KLHL5: variants seen among roughly 807,000 people sequenced by gnomAD.
The protein encoded by KLHL5 is kelch-like protein 5.
Under a neutral mutation model 77.7 loss-of-function variants are expected in KLHL5, and 48 were observed. That is an observed-to-expected ratio of 0.62 (90% CI 0.49 to 0.79). The LOEUF (loss-of-function observed/expected upper bound fraction) is 0.79, where lower values mean the gene tolerates loss of function less well. Ranked by LOEUF, KLHL5 falls within the 30% of genes least tolerant of loss-of-function variation. The pLI is 0.00. For missense variants in KLHL5, 723 were observed against 859.7 expected (o/e 0.84, Z 1.99); for synonymous variants, 260 against 297.0 (o/e 0.88, Z 1.28).
intron 6 of KLHL5, among the ~76,000 whole-genome samples, chr4:39,099,623 C>G (rs1721369811): frequency 6.6e-6 from 1 of 152,158 alleles, no homozygotes; most frequent in Non-Finnish European, 1.5e-5. Flanking sequence ...TGCTCTGCCC[C>G]CGGATATTGA....
At chr4:39,073,736 C>G (rs1389354456) in intron 1 of KLHL5, among the ~76,000 whole-genome samples, 3 of 152,036 alleles carry the variant, frequency 2.0e-5, no homozygotes, top group Non-Finnish European at 4.4e-5. Context: ...CCTCTGCCTC[C>G]TTGGTTCAAA....
At chr4:39,065,971 G>A (rs550745001) in intron 1 of KLHL5, among the ~76,000 whole-genome samples, 11 of 152,234 alleles carry the variant, frequency 7.2e-5, no homozygotes, top group South Asian at 4.1e-4. Context: ...AAGGGACAGC[G>A]TATGTTGGTC....
At position 39,081,990 on chromosome 4, in the gene KLHL5, T is replaced by G; in HGVS notation, c.731T>G (p.Ile244Ser). ...TGRLELKEDN[I>S]ECLLSTACLL... ...CGCCTTGAATTAAAAGAAGATAATA[T>G]TGAGTGCCTGTTATCTACAGCTTGC... The change falls in exon 4 of 11, where the codon ATT (isoleucine) becomes AGT (serine). Residue 244 changes from isoleucine to serine, a missense_variant. By Grantham distance (142) the Ile-to-Ser change is moderately radical. This residue lies in a region of KLHL5 where 288 missense variants were observed against 400.3 expected (regional missense o/e 0.72). Transcript: ENST00000504108. This position sits in a 1 kb window ranked among gnomAD's most constrained non-coding sequence, Gnocchi z 4.3. 1 of 1,604,522 alleles carries G rather than the reference T, an allele frequency of 6.2e-7. No individual in the cohort carries two copies. Among genetic ancestry groups the G allele is most frequent in the East Asian group, 2.2e-5 (1 of 44,812 alleles).
intron 5 of KLHL5, among the ~76,000 whole-genome samples, chr4:39,092,707 C>A (rs1441922245): frequency 6.6e-6 from 1 of 152,112 alleles, no homozygotes; most frequent in African/African-American, 2.4e-5. Flanking sequence ...CAAATACCAC[C>A]AACTTTTTTA....
At position 39,125,065 on chromosome 4, in the gene KLHL5, C is replaced by G. The variant is rs1723453801; in HGVS notation, c.*3999C>G. ...AAATGGCCGACAAGCACATGGAAAG[C>G]ACTCAACCTCATCAGTCATTATGCA... On this transcript the variant is annotated 3_prime_UTR_variant, in exon 11 of 11. Coordinates refer to ENST00000504108, the MANE Select transcript of KLHL5 (RefSeq NM_015990.5). Among the ~76,000 whole-genome samples, 1 of 152,056 alleles carries G rather than the reference C, an allele frequency of 6.6e-6. No homozygotes were observed. Among genetic ancestry groups the G allele is most frequent in the South Asian group, 2.1e-4 (1 of 4,824 alleles).
the KLHL5 span, among the ~76,000 whole-genome samples, chr4:39,138,059 G>C: frequency 6.6e-6 from 1 of 152,060 alleles, no homozygotes; most frequent in Non-Finnish European, 1.5e-5. Context: ...AAGAATAACA[G>C]ATGCTGGCAA....
chr4:39,095,774 A>G (rs981144268), intron 5 of KLHL5, among the ~76,000 whole-genome samples: 2 of 151,886 alleles, frequency 1.3e-5, no homozygotes, highest in Admixed American at 1.3e-4. Flanking sequence ...GACCTGGAGG[A>G]ATTTTCTTGA....
chr4:39,090,521 T>C (rs899094896), intron 5 of KLHL5, among the ~76,000 whole-genome samples: 5 of 151,592 alleles, frequency 3.3e-5, no homozygotes, highest in African/African-American at 1.2e-4. Context: ...CAATCTCATC[T>C]CACTGCAACC....
At position 39,115,249 on chromosome 4, in the gene KLHL5, A is replaced by G; in HGVS notation, c.1992A>G (p.Leu664=). Residue 664 remains leucine, a synonymous_variant, in exon 10 of 11, where the codon TTA becomes TTG. Transcript: ENST00000504108. ...GGGTCTGTTTACTTGGTGATAAGTT[A>G]TATGCTGTTGGGGGGTATGATGGAC... is the stretch of plus-strand genomic sequence containing the variant. ...AVGVCLLGDK[L]YAVGGYDGQA... is the part of the protein sequence containing the mutation. 6.2e-7 allele frequency: 1 copy of G among 1,614,050 alleles called. No homozygotes were observed. Among genetic ancestry groups the G allele is most frequent in the Non-Finnish European group, 8.5e-7 (1 of 1,179,980 alleles).
chr4:39,045,421 C>G (rs1353640431), intron 1 of KLHL5, among the ~76,000 whole-genome samples: 1 of 151,898 alleles, frequency 6.6e-6, no homozygotes, highest in African/African-American at 2.4e-5. Flanking sequence ...GAGGAGCGGA[C>G]TGCGGTGCAC....
intron 6 of KLHL5, among the ~76,000 whole-genome samples, chr4:39,099,012 C>T (rs1285895078): frequency 6.6e-6 from 1 of 152,016 alleles, no homozygotes; most frequent in African/African-American, 2.4e-5. Context: ...AAAAATAGGC[C>T]AGGATTATGC....
chr4:39,139,159 G>A, the KLHL5 span, among the ~76,000 whole-genome samples: 4 of 151,962 alleles, frequency 2.6e-5, no homozygotes, highest in Admixed American at 2.6e-4. Context: ...GCAGACGCCT[G>A]TAATCCCAGC....
At chr4:39,075,328 T>C (rs1267908102) in intron 1 of KLHL5, among the ~76,000 whole-genome samples, 1 of 87,312 alleles carries the variant, frequency 1.1e-5, no homozygotes, top group African/African-American at 4.5e-5. Context: ...CGAAATTCCG[T>C]CTCAAACAAA....
At chr4:39,101,994 GC>G (rs1721618985) in intron 6 of KLHL5, among the ~76,000 whole-genome samples, 1 of 140,486 alleles carries the variant, frequency 7.1e-6, no homozygotes, top group Non-Finnish European at 1.5e-5. Flanking sequence ...ATATATATAT[GC>G]ATGCAGAGGT....
At chr4:39,119,476 C>T (rs572342713) in intron 10 of KLHL5, among the ~76,000 whole-genome samples, 1 of 152,246 alleles carries the variant, frequency 6.6e-6, no homozygotes, top group South Asian at 2.1e-4. Context: ...GTCCCAGCTA[C>T]TCAGGAGGCT....
intron 8 of KLHL5, among the ~76,000 whole-genome samples, chr4:39,108,156 T>C (rs1179809978): frequency 3.3e-5 from 5 of 152,102 alleles, no homozygotes; most frequent in Non-Finnish European, 5.9e-5. Flanking sequence ...TCTTGACTTT[T>C]ACCTCTTTTC....
chr4:39,137,182 T>TAC, the KLHL5 span, among the ~76,000 whole-genome samples: 1 of 102,672 alleles, frequency 9.7e-6, no homozygotes, highest in South Asian at 3.1e-4. Context: ...TGCAAATATG[T>TAC]GCGTGTGTGT....
intron 9 of KLHL5, among the ~76,000 whole-genome samples, chr4:39,114,314 G>A (rs1722677976): frequency 6.6e-6 from 1 of 152,148 alleles, no homozygotes; most frequent in Admixed American, 6.5e-5. Flanking sequence ...AAAATGCAAA[G>A]CAACTTCACT....
At chr4:39,051,711 AAACAAACAAAC>A (rs1448666555) in intron 1 of KLHL5, among the ~76,000 whole-genome samples, 1 of 116,362 alleles carries the variant, frequency 8.6e-6, no homozygotes, top group Non-Finnish European at 1.7e-5. Flanking sequence ...AAAAAAGAAA[AAACAAACAAAC>A]AAACAAACAA....
Sources: gnomAD v4.1 joint callset for allele counts (sites outside exome capture counted in the v4.1 genomes callset) on GRCh38, gnomAD v4.1.1 for gene constraint, gnomAD v4.1.1 regional missense constraint, Gnocchi (gnomAD v3.1) non-coding constraint, MANE v1.5 for transcripts, NCBI Gene and HGNC (gene_info 2026-07-23, HGNC 2026-07-21) for gene names.